Variants in ARHGAP44 observed in about 807,000 individuals in gnomAD.
ARHGAP44 encodes the protein Rho GTPase activating protein 44.
Under a neutral mutation model 106.8 loss-of-function variants are expected in ARHGAP44, and 43 were observed. The observed-to-expected ratio is 0.40, with a 90% CI of 0.32 to 0.52. The LOEUF is 0.52. Among genes scored for constraint, ARHGAP44 ranks in the 20% least tolerant of loss-of-function variants. ARHGAP44 has a pLI of 0.48. For synonymous variants in ARHGAP44, 439 were observed against 410.3 expected (o/e 1.07, Z -0.85); for missense variants, 866 against 1,050.5 (o/e 0.82, Z 2.43).
chr17:12,987,018 T>G, intron 20 of ARHGAP44: 3 of 1,255,840 alleles, frequency 2.4e-6, no homozygotes, highest in Non-Finnish European at 2.2e-6. Context: ...GATATTGGCA[T>G]AGCTTTTTTT....
rs905177285 is a variant in ARHGAP44, at chr17:12,943,467, G to A, written c.652-121G>A. 75 of 790,906 alleles carry A rather than the reference G, an allele frequency of 9.5e-5. No individual in the cohort carries two copies. The African/African-American group carries it at 1.2e-3, about 12-fold the overall frequency. 49.0% of individuals were successfully genotyped at this position (790,906 alleles called of 1,614,324 possible). On this transcript the variant is annotated intron_variant, in intron 8 of 20. Coordinates refer to ENST00000379672, the MANE Select transcript of ARHGAP44 (RefSeq NM_014859.6). ...TCGTTATTTTAGGTAGATTGGAGGA[G>A]GGAATGGGTGACTACCTCCTTCCGC...
chr17:12,819,723 T>C (rs973712100), intron 1 of ARHGAP44, among the ~76,000 whole-genome samples: 2 of 152,048 alleles, frequency 1.3e-5, no homozygotes, highest in Non-Finnish European at 2.9e-5. Flanking sequence ...TCTCCTTTTG[T>C]GAAATCCTGT....
At chr17:12,868,011 C>T (rs950146101) in intron 1 of ARHGAP44, among the ~76,000 whole-genome samples, 7 of 152,132 alleles carry the variant, frequency 4.6e-5, no homozygotes, top group African/African-American at 1.7e-4. Flanking sequence ...GACAAAGAGA[C>T]GGTGGATGAG....
chr17:12,790,132 G>A, intron 1 of ARHGAP44: 2 of 482,846 alleles, frequency 4.1e-6, no homozygotes, highest in Non-Finnish European at 7.2e-6. Context: ...AAAGTGTGAC[G>A]CATCCTTTAC....
rs947777271 is a variant in ARHGAP44 at position 12,985,014 on chromosome 17, T to G, written c.2317+106T>G. ...GCCAGTGAACACATTCCTGCGTGCT[T>G]TGGGATGACTGGGCTGGCACCAGGG... On this transcript the variant is annotated intron_variant, in intron 20 of 20. Coordinates refer to ENST00000379672, the MANE Select transcript of ARHGAP44 (RefSeq NM_014859.6). 85 of 1,410,192 alleles carry G rather than the reference T, an allele frequency of 6.0e-5. 1 individual carries two copies. The Admixed American group carries it at 6.6e-4, about 11-fold the overall frequency. 87.4% of individuals were successfully genotyped at this position (1,410,192 alleles called of 1,614,324 possible).
chr17:12,945,270 A>G (rs1053981772), intron 10 of ARHGAP44, among the ~76,000 whole-genome samples: 11 of 152,240 alleles, frequency 7.2e-5, no homozygotes, highest in African/African-American at 2.4e-4. Flanking sequence ...TCCGCCTCCC[A>G]AAGTGCTGGG....
Position 12,896,381 on chromosome 17 carries a change from G to C in ARHGAP44, c.94-26G>C, listed in dbSNP as rs767956724. On this transcript the variant is annotated intron_variant, in intron 2 of 20. Coordinates refer to ENST00000379672, the MANE Select transcript of ARHGAP44 (RefSeq NM_014859.6). ...TCCCCTGACCTTGCCCTCTCTCAGTGGCACCACCCGCTCTTCTCTCTGCAG... is the reference window on the plus strand; with the variant it reads ...TCCCCTGACCTTGCCCTCTCTCAGTCGCACCACCCGCTCTTCTCTCTGCAG... The C allele has an allele frequency of 6.4e-6, 10 of 1,563,160 alleles. No individual in the cohort carries two copies. The South Asian group carries it at 1.2e-4, about 18-fold the overall frequency.
At chr17:12,797,844 G>T (rs902331548) in intron 1 of ARHGAP44, among the ~76,000 whole-genome samples, 15 of 152,184 alleles carry the variant, frequency 9.9e-5, no homozygotes, top group African/African-American at 3.4e-4. Context: ...TGGGAATAGG[G>T]CATGTTTATT....
chr17:12,933,693 A>G (rs1187265294), intron 7 of ARHGAP44, among the ~76,000 whole-genome samples: 1 of 152,234 alleles, frequency 6.6e-6, no homozygotes, highest in Non-Finnish European at 1.5e-5. Flanking sequence ...TAGAGAAGAC[A>G]GTGAATAGAA....
In ARHGAP44 at chr17:12,949,030, C is replaced by T; in HGVS notation, c.862-110C>T. 9.3e-7 allele frequency: 1 copy of T among 1,075,866 alleles called. No homozygotes were observed. Among genetic ancestry groups the T allele is most frequent in the Admixed American group, 2.0e-5 (1 of 49,432 alleles). 66.6% of individuals were successfully genotyped at this position (1,075,866 alleles called of 1,614,324 possible). ...TGGGGGATTGGGAGATGGTGTTGGG[C>T]AAATGCATGTAAGAGGTTTTGGAGA... On this transcript the variant is annotated intron_variant, in intron 10 of 20. Coordinates refer to ENST00000379672, the MANE Select transcript of ARHGAP44 (RefSeq NM_014859.6). The surrounding 1 kb of genome is among the most constrained non-coding windows in gnomAD (Gnocchi z 4.1).
At chr17:12,972,786 C>T (rs552481175) in intron 16 of ARHGAP44, among the ~76,000 whole-genome samples, 140 of 151,386 alleles carry the variant, frequency 9.2e-4, no homozygotes, top group Non-Finnish European at 1.5e-3. Context: ...CTCAGCCTCC[C>T]GAATAGCTGG....
chr17:12,825,734 GGTATTT>G (rs1407356736), intron 1 of ARHGAP44, among the ~76,000 whole-genome samples: 1 of 152,084 alleles, frequency 6.6e-6, no homozygotes, highest in Non-Finnish European at 1.5e-5. Context: ...GATCTAGACT[GGTATTT>G]TACCAGTTAC....
intron 4 of ARHGAP44, among the ~76,000 whole-genome samples, chr17:12,913,884 G>C (rs533381788): frequency 6.9e-6 from 1 of 145,700 alleles, no homozygotes; most frequent in Admixed American, 7.2e-5. Flanking sequence ...CAAGAGAATT[G>C]CTTGCACCCG....
intron 1 of ARHGAP44, among the ~76,000 whole-genome samples, chr17:12,839,639 A>C (rs959414273): frequency 1.3e-5 from 2 of 152,150 alleles, no homozygotes. Context: ...GAAATCTGCA[A>C]AGATTTAGTA....
intron 20 of ARHGAP44, 94 bp downstream of exon 20, chr17:12,985,002 T>C (rs958056753): frequency 1.4e-6 from 2 of 1,456,850 alleles, no homozygotes; most frequent in Admixed American, 2.2e-5. Flanking sequence ...AGTGAACACA[T>C]TCCTGCGTGC....
At chr17:12,874,805 CT>C (rs2036504146) in intron 1 of ARHGAP44, among the ~76,000 whole-genome samples, 1 of 110,106 alleles carries the variant, frequency 9.1e-6, no homozygotes, top group African/African-American at 2.8e-5. Flanking sequence ...GTGCAGGATA[CT>C]TGCTATGCCA....
At chr17:12,972,470 A>C (rs1343427295) in intron 16 of ARHGAP44, among the ~76,000 whole-genome samples, 1 of 151,778 alleles carries the variant, frequency 6.6e-6, no homozygotes, top group Non-Finnish European at 1.5e-5. Context: ...CAAGATGGTT[A>C]AACCCTGTCT....
At chr17:12,805,744 G>A (rs976434369) in intron 1 of ARHGAP44, among the ~76,000 whole-genome samples, 3 of 152,230 alleles carry the variant, frequency 2.0e-5, no homozygotes, top group African/African-American at 7.2e-5. Flanking sequence ...AGAATAGCAT[G>A]CAGCATGTTT....
rs58514182 is a variant in ARHGAP44 at position 12,847,512 on chromosome 17, C to CTTTTTTTT, written c.54-47416_54-47409dup. ...CACCTTCCTTCAAGCTACCATCACTCTTTTTTTTTTTTTTTTTTTGAGACG... is the reference window on the plus strand; with the variant it reads ...CACCTTCCTTCAAGCTACCATCACTCTTTTTTTTTTTTTTTTTTTTTTTTTTTGAGACG... On this transcript the variant is annotated intron_variant, in intron 1 of 20. Coordinates refer to ENST00000379672, the MANE Select transcript of ARHGAP44 (RefSeq NM_014859.6). Among the ~76,000 whole-genome samples the CTTTTTTTT allele has an allele frequency of 2.0e-4, 25 of 125,476 alleles. 1 individual carries two copies. Among genetic ancestry groups the CTTTTTTTT allele is most frequent in the African/African-American group, 8.1e-4 (25 of 30,906 alleles). 82.3% of individuals were successfully genotyped at this position (125,476 alleles called of 152,430 possible).
Sources: allele counts gnomAD v4.1 joint callset (sites outside exome capture counted in the v4.1 genomes callset), GRCh38; gene constraint gnomAD v4.1.1; non-coding constraint Gnocchi (gnomAD v3.1); transcripts MANE v1.5; gene names NCBI Gene and HGNC (gene_info 2026-07-23, HGNC 2026-07-21).